SLC20A2: variants seen among roughly 807,000 people sequenced by gnomAD.
SLC20A2 encodes the protein solute carrier family 20 member 2.
Under a neutral mutation model 61.0 loss-of-function variants are expected in SLC20A2, and 30 were observed. The observed-to-expected ratio is 0.49, with a 90% confidence interval of 0.37 to 0.67. The LOEUF is 0.67. Among genes scored for constraint, SLC20A2 ranks in the 30% least tolerant of loss-of-function variants. The pLI, the probability that SLC20A2 is intolerant of heterozygous loss-of-function variation, is 0.00. For synonymous variants in SLC20A2, 351 were observed against 353.3 expected, an observed-to-expected ratio of 0.99 and a Z score of 0.07; for missense variants, 626 against 866.4, an observed-to-expected ratio of 0.72 and a Z score of 3.48.
In SLC20A2 at chr8:42,465,930, G is replaced by A. The variant is rs114824268; in HGVS notation, c.290-13C>T. 1.2e-6 allele frequency: 2 copies of A among 1,602,572 alleles called. No individual in the cohort carries two copies. Among genetic ancestry groups the A allele is most frequent in the Non-Finnish European group, 1.7e-6 (2 of 1,176,936 alleles). On this transcript the variant is annotated splice_polypyrimidine_tract_variant and intron_variant, in intron 2 of 10. Coordinates refer to ENST00000520262, the MANE Select transcript of SLC20A2 (RefSeq NM_001257180.2). ...CACACAGCGGAACCTACAGATTGAA[G>A]GACAAAAAACCATCAGATACAGAGT...
At chr8:42,485,367 C>G (rs920314303) in intron 1 of SLC20A2, among the ~76,000 whole-genome samples, 1 of 152,020 alleles carries the variant, frequency 6.6e-6, no homozygotes, top group Non-Finnish European at 1.5e-5. Flanking sequence ...CTAGGCCGAA[C>G]GCGGTGGCTC....
intron 5 of SLC20A2, among the ~76,000 whole-genome samples, chr8:42,452,453 G>A (rs1805810026): frequency 6.7e-6 from 1 of 149,636 alleles, no homozygotes; most frequent in Admixed American, 6.7e-5. Flanking sequence ...GGAGGAGGAG[G>A]AAGAGATGGA....
intron 5 of SLC20A2, among the ~76,000 whole-genome samples, chr8:42,445,144 T>C (rs1489657078): frequency 6.6e-6 from 1 of 151,426 alleles, no homozygotes; most frequent in South Asian, 2.1e-4. Flanking sequence ...ATTCAAAAAT[T>C]AGCTGGGCGT....
intron 1 of SLC20A2, among the ~76,000 whole-genome samples, chr8:42,476,691 G>A (rs1808135404): frequency 6.6e-6 from 1 of 152,184 alleles, no homozygotes; most frequent in Non-Finnish European, 1.5e-5. Context: ...TTGTGCCTAT[G>A]CTCTTTAGCG....
At chr8:42,469,329 CAA>C (rs368452294) in intron 2 of SLC20A2, among the ~76,000 whole-genome samples, 2 of 141,286 alleles carry the variant, frequency 1.4e-5, no homozygotes, top group Non-Finnish European at 1.6e-5. Context: ...AACCACATAC[CAA>C]AAAAAAAAAA....
At chr8:42,438,068 A>AAC (rs1804461796) in intron 7 of SLC20A2, among the ~76,000 whole-genome samples, 1 of 147,082 alleles carries the variant, frequency 6.8e-6, no homozygotes, top group Non-Finnish European at 1.5e-5. Flanking sequence ...AAAACCAAAA[A>AAC]AAAAAAAAAA....
intron 1 of SLC20A2, among the ~76,000 whole-genome samples, chr8:42,490,105 G>A (rs1187983874): frequency 6.6e-6 from 1 of 152,182 alleles, no homozygotes; most frequent in Non-Finnish European, 1.5e-5. Context: ...TTCACTGCTT[G>A]CTAGTTAGTG....
chr8:42,447,732 T>C (rs1455239819), intron 5 of SLC20A2, among the ~76,000 whole-genome samples: 1 of 152,134 alleles, frequency 6.6e-6, no homozygotes, highest in Non-Finnish European at 1.5e-5. Flanking sequence ...ATAGAATAGG[T>C]AGTTAATACT....
chr8:42,465,370 T>C (rs1807071373), intron 3 of SLC20A2, among the ~76,000 whole-genome samples: 1 of 151,760 alleles, frequency 6.6e-6, no homozygotes, highest in African/African-American at 2.4e-5. Context: ...CTAGGTCTTT[T>C]AAACCTTAAC....
intron 10 of SLC20A2, among the ~76,000 whole-genome samples, chr8:42,421,036 A>ATTTT (rs1803002607): frequency 1.3e-5 from 2 of 152,194 alleles, no homozygotes; most frequent in Admixed American, 6.5e-5. Flanking sequence ...TCCAAGTAAA[A>ATTTT]TCCTGTTCAG....
chr8:42,458,877 C>G (rs1450075295), intron 5 of SLC20A2, among the ~76,000 whole-genome samples: 4 of 151,376 alleles, frequency 2.6e-5, no homozygotes, highest in African/African-American at 9.7e-5. Flanking sequence ...CCACTGCACT[C>G]CAGCCTGGGC....
At chr8:42,439,427 C>G (rs1702191046) in intron 7 of SLC20A2, 23 bp downstream of exon 7, 1 of 1,611,730 alleles carries the variant, frequency 6.2e-7, no homozygotes, top group Non-Finnish European at 8.5e-7. Flanking sequence ...CCACAGAACC[C>G]AAGCTCTCCA....
At chr8:42,515,939 C>A (rs531556576) in intron 1 of SLC20A2, among the ~76,000 whole-genome samples, 69 of 152,168 alleles carry the variant, frequency 4.5e-4, no homozygotes, top group Admixed American at 7.9e-4. Flanking sequence ...TGGGTGCAAA[C>A]CATGGGCATG....
At chr8:42,533,654 C>CTTTTTTTCTTTCTTTTTTTTTTTTT (rs1253260874) in intron 1 of SLC20A2, among the ~76,000 whole-genome samples, 1 of 55,310 alleles carries the variant, frequency 1.8e-5, no homozygotes, top group African/African-American at 8.1e-5. Context: ...ATCAACTGTT[C>CTTTTTTTCTTTCTTTTTTTTTTTTT]TTTTTTTTTT....
chr8:42,431,372 T>A (rs1803859024), intron 8 of SLC20A2, among the ~76,000 whole-genome samples: 1 of 152,226 alleles, frequency 6.6e-6, no homozygotes, highest in South Asian at 2.1e-4. Context: ...AGGCCCTAGT[T>A]CTCTTCAATT....
At chr8:42,534,403 C>A (rs946839941) in intron 1 of SLC20A2, among the ~76,000 whole-genome samples, 7 of 152,190 alleles carry the variant, frequency 4.6e-5, no homozygotes, top group African/African-American at 1.7e-4. Context: ...TACATTTCTA[C>A]TACCCATGTT....
At position 42,439,347 on chromosome 8, in the gene SLC20A2, T is replaced by G. The variant is rs117348696; in HGVS notation, c.934+103A>C. On this transcript the variant is annotated intron_variant, in intron 7 of 10. Transcript: ENST00000520262. ...TCAAATTATAAAACTGGGGGATCCT[T>G]TTGTGCATTAAAACCAGATTGCCCA... is the stretch of plus-strand genomic sequence containing the variant. 5.0e-3 allele frequency: 5,271 copies of G among 1,058,786 alleles called. 28 individuals carry two copies. Among genetic ancestry groups the G allele is most frequent in the Non-Finnish European group, 6.2e-3 (4,603 of 737,996 alleles). The allele number at this position is 1,058,786 out of a possible 1,614,324, so 65.6% of individuals were successfully genotyped here. A position where few individuals can be genotyped will look rare whatever the true frequency, so the allele number is the denominator to read the frequency against.
chr8:42,441,572 G>A (rs1199890043), intron 6 of SLC20A2, among the ~76,000 whole-genome samples: 3 of 150,974 alleles, frequency 2.0e-5, no homozygotes, highest in Non-Finnish European at 4.4e-5. Flanking sequence ...TGGTTCAAGC[G>A]ATTCTCCTGC....
At chr8:42,456,143 GAAA>G (rs1168536871) in intron 5 of SLC20A2, among the ~76,000 whole-genome samples, 1 of 150,972 alleles carries the variant, frequency 6.6e-6, no homozygotes, top group Non-Finnish European at 1.5e-5. Flanking sequence ...AGAAGAGATG[GAAA>G]AAAAAGGCCA....
Sources: gnomAD v4.1 joint callset for allele counts (sites outside exome capture counted in the v4.1 genomes callset) on GRCh38, gnomAD v4.1.1 for gene constraint, MANE v1.5 for transcripts, NCBI Gene and HGNC (gene_info 2026-07-23, HGNC 2026-07-21) for gene names.